Variants in ADAM23 observed in about 807,000 individuals in gnomAD.
ADAM23 encodes disintegrin and metalloproteinase domain-containing protein 23.
ADAM23 carries 33 observed loss-of-function variants against 120.1 expected under a neutral mutation model. The ratio of observed to expected loss-of-function variants is 0.27; its 90% CI spans 0.21 to 0.37. ADAM23 has a LOEUF of 0.37. Among genes scored for constraint, ADAM23 ranks in the 10% least tolerant of loss-of-function variants. The pLI is 1.00. For synonymous variants in ADAM23, 367 were observed against 375.2 expected (o/e 0.98, Z 0.25); for missense variants, 862 against 1,058.2 (o/e 0.81, Z 2.57).
intron 18 of ADAM23, among the ~76,000 whole-genome samples, chr2:206,575,363 A>G (rs899068106): frequency 6.6e-6 from 1 of 152,194 alleles, no homozygotes; most frequent in Non-Finnish European, 1.5e-5. Context: ...CAGTTTTTAT[A>G]GTTAATTCTT....
intron 2 of ADAM23, among the ~76,000 whole-genome samples, chr2:206,447,461 C>T (rs916962099): frequency 3.3e-5 from 5 of 152,144 alleles, no homozygotes. Context: ...ATGAGATAAG[C>T]AAGATTCTAA....
At chr2:206,554,235 A>G (rs2105816875) in intron 9 of ADAM23, among the ~76,000 whole-genome samples, 1 of 152,338 alleles carries the variant, frequency 6.6e-6, no homozygotes, top group South Asian at 2.1e-4. Flanking sequence ...GCTTTCCATT[A>G]GAAAAGAAAA....
At chr2:206,508,769 C>T (rs1464033350) in intron 3 of ADAM23, among the ~76,000 whole-genome samples, 1 of 152,050 alleles carries the variant, frequency 6.6e-6, no homozygotes, top group Non-Finnish European at 1.5e-5. Context: ...ATTGAGGTAC[C>T]TACTAAGTTC....
chr2:206,444,851 T>C (rs529809429), intron 1 of ADAM23, among the ~76,000 whole-genome samples: 3 of 152,336 alleles, frequency 2.0e-5, no homozygotes, highest in Admixed American at 2.0e-4. Context: ...GTACTCAAGT[T>C]ATCTTAGGAG....
chr2:206,503,844 T>C (rs1392333498), intron 3 of ADAM23, among the ~76,000 whole-genome samples: 2 of 152,196 alleles, frequency 1.3e-5, no homozygotes, highest in Non-Finnish European at 2.9e-5. Context: ...AGTAAGGTTT[T>C]ACTTAAAAAC....
intron 4 of ADAM23, among the ~76,000 whole-genome samples, chr2:206,540,054 T>G (rs1043414175): frequency 2.0e-5 from 3 of 152,180 alleles, no homozygotes; most frequent in African/African-American, 7.2e-5. Flanking sequence ...CGATGGTGCA[T>G]GCCTGTAATC....
chr2:206,501,759 C>T (rs1696392117), intron 3 of ADAM23, among the ~76,000 whole-genome samples: 1 of 151,942 alleles, frequency 6.6e-6, no homozygotes, highest in Admixed American at 6.6e-5. Flanking sequence ...TTGAATTCTG[C>T]CAGATTTTGC....
At chr2:206,559,921 T>C in intron 10 of ADAM23, 34 bp from the exon 11 acceptor site, 13 of 1,578,626 alleles carry the variant, frequency 8.2e-6, no homozygotes, top group Non-Finnish European at 1.0e-5. Context: ...ACCCAGTGTT[T>C]TCCTCCTGCA....
intron 14 of ADAM23, 140 bp from the exon 15 acceptor site, chr2:206,567,083 A>G (rs1487086709): frequency 3.1e-6 from 2 of 643,264 alleles, no homozygotes; most frequent in Non-Finnish European, 5.3e-6. Context: ...GGCAATTTGA[A>G]CATAAGTCCC....
At position 206,617,744 on chromosome 2, in the gene ADAM23, A is replaced by G. The variant is rs1698962043; in HGVS notation, c.*117A>G. 1 of 1,521,822 alleles carries G rather than the reference A, an allele frequency of 6.6e-7. No individual in the cohort carries two copies. The allele number at this position is 1,521,822 out of a possible 1,614,324, so 94.3% of individuals were successfully genotyped here. On this transcript the variant is annotated 3_prime_UTR_variant, in exon 26 of 26. Transcript: ENST00000264377. ...ACAAAACCTTTGGGTGGTAATGACT[A>G]CGGAGCTAAAGTTGGGGTGACAAGG...
At position 206,475,642 on chromosome 2, in the gene ADAM23, C is replaced by T. The variant is rs1321093083; in HGVS notation, c.433-5590C>T. ...CTTCCTGGTGAAGTGGACTCTTGTT[C>T]TCAGCAGCTCAACCCATGATGACAA... On this transcript the variant is annotated intron_variant, in intron 2 of 25. Transcript: ENST00000264377. Among the ~76,000 whole-genome samples, 4 of 151,880 alleles carry T rather than the reference C, an allele frequency of 2.6e-5. No individual in the cohort carries two copies. In the East Asian group the frequency reaches 5.8e-4, roughly 22 times the overall value.
In ADAM23 at chr2:206,443,836, CA is replaced by C; in HGVS notation, c.-30del. On this transcript the variant is annotated 5_prime_UTR_variant, in exon 1 of 26. Coordinates refer to ENST00000264377, the MANE Select transcript of ADAM23 (RefSeq NM_003812.4). ...CAGCTAGCCCGGCGCTCTCGCCGGC[CA>C]CACGGAGCGGCGCCCGGGAGCTATG... 1 of 1,083,692 alleles carries C rather than the reference CA, an allele frequency of 9.2e-7. No homozygotes were observed. The allele number at this position is 1,083,692 out of a possible 1,614,324, so 67.1% of individuals were successfully genotyped here.
At chr2:206,543,415 T>A in intron 6 of ADAM23, 99 bp downstream of exon 6, 1 of 1,019,852 alleles carries the variant, frequency 9.8e-7, no homozygotes, top group Non-Finnish European at 1.5e-6. Flanking sequence ...AAAGTGCCTT[T>A]GTACATGTTA....
intron 15 of ADAM23, among the ~76,000 whole-genome samples, chr2:206,568,936 G>C (rs1697942663): frequency 6.6e-6 from 1 of 152,108 alleles, no homozygotes; most frequent in Admixed American, 6.5e-5. Flanking sequence ...TAGAATCTTA[G>C]TATGGCTGTG....
At chr2:206,583,000 T>G (rs1698247912) in intron 18 of ADAM23, among the ~76,000 whole-genome samples, 1 of 152,192 alleles carries the variant, frequency 6.6e-6, no homozygotes, top group African/African-American at 2.4e-5. Context: ...TCCTTTGTCT[T>G]AACTCTGGAT....
chr2:206,444,166 G>T, intron 1 of ADAM23, 86 bp downstream of exon 1: 5 of 1,090,440 alleles, frequency 4.6e-6, no homozygotes, highest in Non-Finnish European at 4.6e-6. Flanking sequence ...CGTGTGCTCC[G>T]GGCTTGTCCC....
intron 3 of ADAM23, among the ~76,000 whole-genome samples, chr2:206,491,003 A>G (rs1696121667): frequency 6.6e-6 from 1 of 152,192 alleles, no homozygotes; most frequent in African/African-American, 2.4e-5. Flanking sequence ...ATGGTTTGAG[A>G]ATGACTTGCA....
chr2:206,444,418 C>T (rs778293578), intron 1 of ADAM23, among the ~76,000 whole-genome samples: 1 of 152,072 alleles, frequency 6.6e-6, no homozygotes, highest in Admixed American at 6.6e-5. Context: ...TTGCTACTTG[C>T]GTGGTGGAAC....
Position 206,443,536 on chromosome 2 carries a change from T to A in ADAM23, c.-331T>A, listed in dbSNP as rs954548152. 1 of 110,974 alleles carries A rather than the reference T, an allele frequency of 9.0e-6. No homozygotes were observed. Among genetic ancestry groups the A allele is most frequent in the Admixed American group, 1.0e-4 (1 of 9,586 alleles). 6.9% of individuals were successfully genotyped at this position (110,974 alleles called of 1,614,324 possible). A position where few individuals can be genotyped will look rare whatever the true frequency, so the allele number is the denominator to read the frequency against. Reference sequence around the variant, plus strand: ...GCTCCCGCGCGCCGCCTCAGCATCCTCAGGCCCGGCGGCAGCCCCCGCAGT... The same window carrying A: ...GCTCCCGCGCGCCGCCTCAGCATCCACAGGCCCGGCGGCAGCCCCCGCAGT... On this transcript the variant is annotated 5_prime_UTR_variant, in exon 1 of 26. Transcript: ENST00000264377.
Sources: gnomAD v4.1 joint callset for allele counts (sites outside exome capture counted in the v4.1 genomes callset) on GRCh38, gnomAD v4.1.1 for gene constraint, MANE v1.5 for transcripts, NCBI Gene and HGNC (gene_info 2026-07-23, HGNC 2026-07-21) for gene names.